Variants in PKHD1L1 observed in about 807,000 individuals in gnomAD.
PKHD1L1 encodes fibrocystin-L.
Under a neutral mutation model 462.9 loss-of-function variants are expected in PKHD1L1, and 434 were observed. The observed-to-expected ratio is 0.94, with a 90% CI of 0.87 to 1.02. The LOEUF (loss-of-function observed/expected upper bound fraction) is 1.02. Among genes scored for constraint, PKHD1L1 ranks in the 50% least tolerant of loss-of-function variants. PKHD1L1 has a pLI of 0.00. For synonymous variants in PKHD1L1, 1,781 were observed against 1,750.0 expected, an observed-to-expected ratio of 1.02 and a Z score of -0.44; for missense variants, 5,202 against 5,096.1, an observed-to-expected ratio of 1.02 and a Z score of -0.63.
At chr8:109,405,256 C>T in intron 16 of PKHD1L1, 126 bp downstream of exon 16, 1 of 564,500 alleles carries the variant, frequency 1.8e-6, no homozygotes, top group Non-Finnish European at 2.7e-6. Flanking sequence ...GACAAAGAAG[C>T]AGAAAAATGT....
intron 50 of PKHD1L1, among the ~76,000 whole-genome samples, chr8:109,471,907 A>C (rs1586582760): frequency 6.6e-6 from 1 of 152,170 alleles, no homozygotes; most frequent in African/African-American, 2.4e-5. Context: ...ACCTAGCTGA[A>C]TCTATAATGT....
At chr8:109,488,742 G>A (rs1442990505) in intron 59 of PKHD1L1, among the ~76,000 whole-genome samples, 2 of 152,004 alleles carry the variant, frequency 1.3e-5, no homozygotes, top group Non-Finnish European at 2.9e-5. Context: ...ACCTGATGAT[G>A]ATGGTGCTGC....
chr8:109,518,250 A>G lies in PKHD1L1; in HGVS notation c.11773A>G (p.Lys3925Glu), dbSNP rs186955460. Residue 3925 changes from lysine to glutamate, a missense_variant, in exon 73 of 78, where the codon AAA becomes GAA. Physicochemically the swap from Lys to Glu is moderately conservative, Grantham distance 56. Transcript: ENST00000378402. Reference sequence around the variant, plus strand: ...CTACCAGATGCTTTATCTTTTGGTTAAAGGAACTATACCTGTTGAAATTCA... The same window carrying G: ...CTACCAGATGCTTTATCTTTTGGTTGAAGGAACTATACCTGTTGAAATTCA... ...GTYQMLYLLV[K>E]GTIPVEIHTA... is the part of the protein sequence containing the mutation. 30 of 1,611,060 alleles carry G rather than the reference A, an allele frequency of 1.9e-5. No individual in the cohort carries two copies. Among genetic ancestry groups the G allele is most frequent in the Non-Finnish European group, 2.0e-5 (23 of 1,177,554 alleles).
At chr8:109,443,148 A>G in intron 36 of PKHD1L1, 32 bp downstream of exon 36, 2 of 1,602,048 alleles carry the variant, frequency 1.2e-6, no homozygotes, top group South Asian at 2.2e-5. Flanking sequence ...ACTCTGTTAC[A>G]CAGGTGACCC....
At chr8:109,527,962 G>A (rs1820900032) in intron 77 of PKHD1L1, among the ~76,000 whole-genome samples, 1 of 152,156 alleles carries the variant, frequency 6.6e-6, no homozygotes, top group Admixed American at 6.6e-5. Context: ...AATTAGCTTG[G>A]CCTGGTCACA....
At chr8:109,437,206 G>A (rs546693821) in intron 30 of PKHD1L1, among the ~76,000 whole-genome samples, 8 of 152,220 alleles carry the variant, frequency 5.3e-5, no homozygotes, top group Middle Eastern at 3.4e-3. Flanking sequence ...GAGCCACCAC[G>A]CCTGGCCAGG....
chr8:109,517,662 T>C (rs547362877), intron 72 of PKHD1L1, among the ~76,000 whole-genome samples: 2 of 152,236 alleles, frequency 1.3e-5, no homozygotes, highest in Admixed American at 1.3e-4. Flanking sequence ...TCTTCTGAGA[T>C]GTTTTAATGT....
At chr8:109,411,840 G>A (rs1278803535) in intron 19 of PKHD1L1, among the ~76,000 whole-genome samples, 1 of 152,104 alleles carries the variant, frequency 6.6e-6, no homozygotes, top group African/African-American at 2.4e-5. Flanking sequence ...CCTCCCTTGA[G>A]CCTTAGTACG....
At position 109,498,455 on chromosome 8, in the gene PKHD1L1, C is replaced by T; in HGVS notation, c.10600-7C>T. ...AATGCTATATTGTTTGGCTTATTTC[C>T]AAACAGAGCTCATTAATTGTTGGAA... is the stretch of plus-strand genomic sequence containing the variant. On this transcript the variant is annotated splice_polypyrimidine_tract_variant and splice_region_variant and intron_variant, in intron 65 of 77. Coordinates refer to ENST00000378402, the MANE Select transcript of PKHD1L1 (RefSeq NM_177531.6). The T allele has an allele frequency of 6.3e-7, 1 of 1,590,106 alleles. No individual in the cohort carries two copies. Among genetic ancestry groups the T allele is most frequent in the Non-Finnish European group, 8.6e-7 (1 of 1,158,920 alleles).
At chr8:109,473,391 C>A (rs1387402375) in intron 50 of PKHD1L1, among the ~76,000 whole-genome samples, 1 of 151,942 alleles carries the variant, frequency 6.6e-6, no homozygotes, top group Non-Finnish European at 1.5e-5. Context: ...TGGCACATGC[C>A]TGTAATCCCA....
intron 35 of PKHD1L1, 105 bp downstream of exon 35, chr8:109,442,300 C>G: frequency 9.2e-7 from 1 of 1,089,862 alleles, no homozygotes; most frequent in Non-Finnish European, 1.3e-6. Context: ...AAATAATATA[C>G]ACAAATGCGT....
chr8:109,367,241 T>C (rs1811278246), intron 2 of PKHD1L1, among the ~76,000 whole-genome samples: 1 of 152,196 alleles, frequency 6.6e-6, no homozygotes, highest in Non-Finnish European at 1.5e-5. Flanking sequence ...GGAGGGACTA[T>C]ATTCATGTAC....
chr8:109,476,718 G>A, intron 52 of PKHD1L1, 51 bp downstream of exon 52: 1 of 1,498,038 alleles, frequency 6.7e-7, no homozygotes, highest in Non-Finnish European at 9.0e-7. Flanking sequence ...TTGTCTAAAA[G>A]ATGAGAAAAA....
chr8:109,452,867 T>TG lies in PKHD1L1; in HGVS notation c.6657_6658insG (p.Ile2220AspfsTer9). On this transcript the variant is annotated frameshift_variant, in exon 43 of 78. Transcript: ENST00000378402. LOFTEE classifies it high-confidence loss of function. The stretch of plus-strand genomic sequence containing the variant: ...GCACCCCTATTTTGAAAATGTTGCT[T>TG]ATTCAGGGTAAATTTCTGAATATCT... 3 of 1,435,226 alleles carry TG rather than the reference T, an allele frequency of 2.1e-6. No homozygotes were observed. Among genetic ancestry groups the TG allele is most frequent in the Non-Finnish European group, 2.8e-6 (3 of 1,089,062 alleles). 88.9% of individuals were successfully genotyped at this position (1,435,226 alleles called of 1,614,324 possible). A position where few individuals can be genotyped will look rare whatever the true frequency, so the allele number is the denominator to read the frequency against.
At chr8:109,484,995 A>G in intron 57 of PKHD1L1, 49 bp from the exon 58 acceptor site, 1 of 1,429,110 alleles carries the variant, frequency 7.0e-7, no homozygotes, top group Non-Finnish European at 9.5e-7. Flanking sequence ...AAGAAATATA[A>G]ATCTATTTTT....
Position 109,438,434 on chromosome 8 carries a change from T to C in PKHD1L1, c.3738T>C (p.Ser1246=), listed in dbSNP as rs1209583153. The change falls in exon 31 of 78, where the codon AGT becomes AGC. Residue 1246 remains serine, a synonymous_variant. Coordinates refer to ENST00000378402, the MANE Select transcript of PKHD1L1 (RefSeq NM_177531.6). The stretch of plus-strand genomic sequence containing the variant: ...AGACACCAATTATAACTGATTTTAG[T>C]CCAAAAGTACGAACAATACTAGGTA... ...CLQTPIITDF[S]PKVRTILGEV... is the part of the protein sequence containing the mutation. The C allele has an allele frequency of 6.5e-7, 1 of 1,541,470 alleles. No homozygotes were observed. Among genetic ancestry groups the C allele is most frequent in the Admixed American group, 2.0e-5 (1 of 49,844 alleles).
At chr8:109,511,862 T>C (rs911025999) in intron 71 of PKHD1L1, among the ~76,000 whole-genome samples, 1 of 152,140 alleles carries the variant, frequency 6.6e-6, no homozygotes, top group African/African-American at 2.4e-5. Flanking sequence ...ACCTACTGTT[T>C]CCTGACTTTT....
At chr8:109,403,382 A>T (rs1223217187) in intron 14 of PKHD1L1, among the ~76,000 whole-genome samples, 2 of 152,180 alleles carry the variant, frequency 1.3e-5, no homozygotes, top group East Asian at 1.9e-4. Flanking sequence ...AGTTTAAAAA[A>T]TTTTGAATCC....
intron 47 of PKHD1L1, 36 bp from the exon 48 acceptor site, chr8:109,461,736 A>AC (rs111875443): frequency 5.7e-6 from 9 of 1,566,898 alleles, no homozygotes; most frequent in Non-Finnish European, 3.5e-6. Flanking sequence ...GGATTCCGAC[A>AC]ATTTTTTTAA....
Sources: allele counts gnomAD v4.1 joint callset (sites outside exome capture counted in the v4.1 genomes callset), GRCh38; gene constraint gnomAD v4.1.1; transcripts MANE v1.5; gene names NCBI Gene and HGNC (gene_info 2026-07-23, HGNC 2026-07-21).